Variants in PROCA1 observed in about 807,000 individuals in gnomAD.
PROCA1 encodes the protein protein interacting with cyclin A1.
Under a neutral mutation model 23.2 loss-of-function variants are expected in PROCA1, and 22 were observed. The observed-to-expected ratio is 0.95, with a 90% CI of 0.68 to 1.35. PROCA1 has a LOEUF of 1.35. Among genes scored for constraint, PROCA1 ranks in the 40% most tolerant of loss-of-function variants. PROCA1 has a pLI of 0.00. For synonymous variants in PROCA1, 182 were observed against 179.2 expected (o/e 1.02, Z -0.12); for missense variants, 469 against 459.8 (o/e 1.02, Z -0.18).
chr17:28,710,074 T>G (rs1245621559), intron 1 of PROCA1, among the ~76,000 whole-genome samples: 1 of 152,050 alleles, frequency 6.6e-6, no homozygotes, highest in African/African-American at 2.4e-5. Context: ...TTCCTCACCC[T>G]CTGGTTTTAC....
chr17:28,705,090 C>A (rs1446468718), intron 2 of PROCA1: 2 of 415,910 alleles, frequency 4.8e-6, no homozygotes, highest in Non-Finnish European at 8.7e-6. Flanking sequence ...CCTGTTACTT[C>A]TGTCCTCTCC....
At position 28,703,683 on chromosome 17, in the gene PROCA1, C is replaced by G. The variant is rs761712471; in HGVS notation, c.970G>C (p.Glu324Gln). 1 of 1,614,176 alleles carries G rather than the reference C, an allele frequency of 6.2e-7. No homozygotes were observed. Among genetic ancestry groups the G allele is most frequent in the Non-Finnish European group, 8.5e-7 (1 of 1,180,040 alleles). ...QGELSSEDIVESSSPRKRENT... is the reference protein window; with the variant it reads ...QGELSSEDIVQSSSPRKRENT... Reference sequence around the variant, plus strand: ...TCTCTCTTCCTGGGCGATGATGATTCCACAATATCCTCGCTGGACAGTTCT... The same window carrying G: ...TCTCTCTTCCTGGGCGATGATGATTGCACAATATCCTCGCTGGACAGTTCT... The change falls in exon 5 of 5, where the codon GAA (glutamate) becomes CAA (glutamine). Residue 324 changes from glutamate to glutamine, a missense_variant. Glu to Gln is a conservative substitution (Grantham distance 29, BLOSUM62 2). Coordinates refer to ENST00000682792, the MANE Select transcript of PROCA1 (RefSeq NM_001366301.1).
chr17:28,711,007 A>AGGGAGGGAAGGAGTAGGGCGGGTC, intron 1 of PROCA1: 1 of 573,190 alleles, frequency 1.7e-6, no homozygotes, highest in Non-Finnish European at 2.7e-6. Context: ...TAGGGCGGGA[A>AGGGAGGGAAGGAGTAGGGCGGGTC]GGGAGGGAAG....
At chr17:28,705,698 A>G (rs1487552303) in intron 2 of PROCA1, 2 of 152,638 alleles carry the variant, frequency 1.3e-5, no homozygotes, top group African/African-American at 4.8e-5. Context: ...GTCTACCACC[A>G]CTGCCTCACC....
chr17:28,708,520 C>G (rs1160492220), intron 1 of PROCA1, among the ~76,000 whole-genome samples: 2 of 152,104 alleles, frequency 1.3e-5, no homozygotes, highest in African/African-American at 4.8e-5. Context: ...AAAGCATGTC[C>G]TGGATAACTT....
Position 28,703,328 on chromosome 17 carries a change from C to G in PROCA1, c.*230G>C. The G allele has an allele frequency of 1.8e-6, 1 of 565,364 alleles. No homozygotes were observed. Among genetic ancestry groups the G allele is most frequent in the African/African-American group, 1.9e-5 (1 of 53,366 alleles). The allele number at this position is 565,364 out of a possible 1,614,324, so 35.0% of individuals were successfully genotyped here. ...TCCTTCCCACCCCAGATACACTCTT[C>G]CACCTTGTCCTAGCAGGTAGGAAGA... On this transcript the variant is annotated 3_prime_UTR_variant, in exon 5 of 5. Coordinates refer to ENST00000682792, the MANE Select transcript of PROCA1 (RefSeq NM_001366301.1).
rs763747751 is a variant in PROCA1 at position 28,704,109 on chromosome 17, C to A, written c.544G>T (p.Glu182Ter). Residue 182 changes from glutamate to a stop codon, truncating the protein, a stop_gained, in exon 5 of 5, where the codon GAA becomes TAA. Transcript: ENST00000682792. LOFTEE classifies it high-confidence loss of function. Reference sequence around the variant, plus strand: ...TGTGTCGGGATGGGGGGCTTGCTTTCCTCCTCCTCCTCTTCCTCTTCTTCA... The same window carrying A: ...TGTGTCGGGATGGGGGGCTTGCTTTACTCCTCCTCCTCTTCCTCTTCTTCA... The part of the protein sequence containing the change: ...LNEEEEEEEE[E>*]SKPPIPTQVG... The A allele has an allele frequency of 2.5e-6, 4 of 1,574,892 alleles. No homozygotes were observed. The East Asian group carries it at 6.7e-5, about 26-fold the overall frequency.
chr17:28,707,752 C>T (rs2032585942), intron 1 of PROCA1: 1 of 152,198 alleles, frequency 6.6e-6, no homozygotes, highest in East Asian at 1.9e-4. Flanking sequence ...CTGCATATCC[C>T]CCTTTCAATC....
chr17:28,706,844 C>T, intron 1 of PROCA1, 81 bp from the exon 2 acceptor site: 1 of 1,280,440 alleles, frequency 7.8e-7, no homozygotes, highest in East Asian at 5.6e-5. Flanking sequence ...CGAGAAACTC[C>T]ACATGTCAGG....
At chr17:28,704,668 C>G (rs1240366153) in intron 3 of PROCA1, 40 bp downstream of exon 3, 1 of 1,610,260 alleles carries the variant, frequency 6.2e-7, no homozygotes, top group Admixed American at 1.7e-5. Flanking sequence ...AAGTTCGGAC[C>G]TGGCTCTGCC....
chr17:28,704,761 ACAGT>A lies in PROCA1; in HGVS notation c.254_257del (p.Asp85ValfsTer20), dbSNP rs748565638. 87 of 1,613,964 alleles carry A rather than the reference ACAGT, an allele frequency of 5.4e-5. No individual in the cohort carries two copies. Among genetic ancestry groups the A allele is most frequent in the Non-Finnish European group, 6.9e-5 (81 of 1,179,998 alleles). On this transcript the variant is annotated frameshift_variant, in exon 3 of 5. Coordinates refer to ENST00000682792, the MANE Select transcript of PROCA1 (RefSeq NM_001366301.1). LOFTEE classifies it high-confidence loss of function. ...AGTGTAGGTGCAGGCTGTGGCGGAC[ACAGT>A]CAGAGGCGAAAGGGTAGATGATGTG...
At chr17:28,710,887 T>C in intron 1 of PROCA1, 35 of 1,300,808 alleles carry the variant, frequency 2.7e-5, no homozygotes, top group Non-Finnish European at 3.5e-5. Context: ...TGCTCATCTG[T>C]ACAGAATCCT....
At chr17:28,709,905 G>A (rs2032699957) in intron 1 of PROCA1, among the ~76,000 whole-genome samples, 1 of 152,078 alleles carries the variant, frequency 6.6e-6, no homozygotes, top group Non-Finnish European at 1.5e-5. Context: ...GCCAAGGCAT[G>A]AGAATCGCTT....
intron 1 of PROCA1, chr17:28,710,840 T>G: frequency 7.7e-7 from 1 of 1,304,172 alleles, no homozygotes; most frequent in Non-Finnish European, 1.0e-6. Context: ...GAGGCGTTAA[T>G]CGGCGCACAA....
chr17:28,706,996 G>T, intron 1 of PROCA1: 1 of 341,384 alleles, frequency 2.9e-6, no homozygotes, highest in South Asian at 2.1e-5. Context: ...TGACAGTAAT[G>T]TGATGCAGAT....
intron 2 of PROCA1, 85 bp from the exon 3 acceptor site, chr17:28,704,928 C>A: frequency 1.6e-6 from 2 of 1,279,574 alleles, no homozygotes; most frequent in Non-Finnish European, 2.2e-6. Flanking sequence ...TCACCAAATT[C>A]ACCTGCCACC....
At chr17:28,705,628 GA>G (rs2032436567) in intron 2 of PROCA1, 1 of 153,096 alleles carries the variant, frequency 6.5e-6, no homozygotes, top group Non-Finnish European at 1.5e-5. Flanking sequence ...AAGCCCTGGA[GA>G]AAGGCCCCCA....
At chr17:28,707,324 T>G (rs2032559713) in intron 1 of PROCA1, 1 of 153,612 alleles carries the variant, frequency 6.5e-6, no homozygotes, top group Non-Finnish European at 1.5e-5. Context: ...TGAGGTCTGC[T>G]TAAGGAAGGG....
chr17:28,710,194 G>A (rs1187387854), intron 1 of PROCA1, among the ~76,000 whole-genome samples: 1 of 151,516 alleles, frequency 6.6e-6, no homozygotes, highest in Non-Finnish European at 1.5e-5. Flanking sequence ...TGTTTCAGGA[G>A]CCACCATGAA....
Sources: allele counts gnomAD v4.1 joint callset (sites outside exome capture counted in the v4.1 genomes callset), GRCh38; gene constraint gnomAD v4.1.1; transcripts MANE v1.5; gene names NCBI Gene and HGNC (gene_info 2026-07-23, HGNC 2026-07-21).